TENM3: variants seen among roughly 807,000 people sequenced by gnomAD.
TENM3 encodes teneurin transmembrane protein 3.
A neutral mutation model predicts 255.1 loss-of-function variants in TENM3; 63 were observed. That is an observed-to-expected ratio of 0.25 (90% CI 0.20 to 0.30). The LOEUF (loss-of-function observed/expected upper bound fraction) is 0.30. Among genes scored for constraint, TENM3 ranks in the 10% least tolerant of loss-of-function variants. The probability of loss-of-function intolerance (pLI) is 1.00; values close to 1 mark genes in which losing one functional copy is unlikely to be tolerated. For synonymous variants in TENM3, 1,306 were observed against 1,322.3 expected (o/e 0.99, Z 0.27); for missense variants, 2,929 against 3,461.1 (o/e 0.85, Z 3.86).
the TENM3 span, among the ~76,000 whole-genome samples, chr4:181,536,057 A>AT: frequency 6.6e-6 from 1 of 152,278 alleles, no homozygotes; most frequent in Non-Finnish European, 1.5e-5. Flanking sequence ...GCACCTGTAT[A>AT]TTTTATGAAA....
intron 5 of TENM3, among the ~76,000 whole-genome samples, chr4:182,630,966 T>C (rs1248160692): frequency 6.6e-6 from 1 of 152,126 alleles, no homozygotes; most frequent in Non-Finnish European, 1.5e-5. Context: ...AAAATAGCAT[T>C]TTAATGTGAG....
chr4:182,492,397 T>C (rs1390497785), intron 3 of TENM3, among the ~76,000 whole-genome samples: 2 of 152,228 alleles, frequency 1.3e-5, no homozygotes, highest in African/African-American at 4.8e-5. Context: ...CCATAATTTA[T>C]AGATTGGCTT....
the TENM3 span, among the ~76,000 whole-genome samples, chr4:181,652,038 T>G: frequency 6.6e-6 from 1 of 151,814 alleles, no homozygotes; most frequent in Non-Finnish European, 1.5e-5. Flanking sequence ...TAACATCTAA[T>G]GTAAAATCAT....
intron 3 of TENM3, among the ~76,000 whole-genome samples, chr4:182,527,994 G>A (rs1003475846): frequency 1.1e-4 from 16 of 152,170 alleles, no homozygotes; most frequent in African/African-American, 3.4e-4. Flanking sequence ...CCAAAGTGCT[G>A]GGATTACAGG....
chr4:182,492,691 A>G (rs1179487431), intron 3 of TENM3, among the ~76,000 whole-genome samples: 2 of 152,156 alleles, frequency 1.3e-5, no homozygotes, highest in Non-Finnish European at 2.9e-5. Context: ...ATCTTCAGAG[A>G]GGTTACTGGA....
the TENM3 span, among the ~76,000 whole-genome samples, chr4:182,034,765 T>C: frequency 1.3e-5 from 2 of 152,240 alleles, no homozygotes; most frequent in African/African-American, 4.8e-5. Context: ...GTTAGTCTAA[T>C]GGGCTTTCCT....
intron 1 of TENM3, among the ~76,000 whole-genome samples, chr4:182,175,189 G>A (rs922881851): frequency 6.6e-6 from 1 of 151,400 alleles, no homozygotes; most frequent in African/African-American, 2.4e-5. Context: ...TTTTTAAAGA[G>A]ATTTTTATTG....
chr4:182,352,539 C>G (rs1205181178), intron 3 of TENM3, among the ~76,000 whole-genome samples: 1 of 152,038 alleles, frequency 6.6e-6, no homozygotes, highest in African/African-American at 2.4e-5. Flanking sequence ...TACCTGTTGT[C>G]GGACCCCACT....
intron 3 of TENM3, among the ~76,000 whole-genome samples, chr4:182,435,222 A>G (rs1771957820): frequency 6.6e-6 from 1 of 152,104 alleles, no homozygotes; most frequent in East Asian, 1.9e-4. Context: ...AGTAGAGTCA[A>G]TTCTCCCTGC....
the TENM3 span, among the ~76,000 whole-genome samples, chr4:181,544,225 C>A: frequency 6.6e-6 from 1 of 151,712 alleles, no homozygotes; most frequent in Non-Finnish European, 1.5e-5. Context: ...GATATCTATT[C>A]TATAATAATA....
the TENM3 span, among the ~76,000 whole-genome samples, chr4:181,594,506 T>G: frequency 1.3e-5 from 2 of 151,812 alleles, no homozygotes; most frequent in African/African-American, 4.8e-5. Flanking sequence ...CTTACTACTA[T>G]CCATTGGTCA....
At chr4:182,675,809 A>G (rs1755620937) in intron 7 of TENM3, among the ~76,000 whole-genome samples, 1 of 152,216 alleles carries the variant, frequency 6.6e-6, no homozygotes, top group Non-Finnish European at 1.5e-5. Flanking sequence ...TTATTTAAAG[A>G]TTTAGTTGAC....
chr4:181,664,641 C>A, the TENM3 span, among the ~76,000 whole-genome samples: 12 of 152,274 alleles, frequency 7.9e-5, no homozygotes, highest in East Asian at 2.1e-3. Flanking sequence ...GCTCAACTTT[C>A]ACTCCTGGCC....
the TENM3 span, among the ~76,000 whole-genome samples, chr4:181,811,606 G>A: frequency 6.6e-6 from 1 of 152,194 alleles, no homozygotes. Context: ...TGGCTGGGGA[G>A]GCCTCACAAT....
At chr4:182,375,279 G>T (rs1767099049) in intron 3 of TENM3, among the ~76,000 whole-genome samples, 1 of 151,668 alleles carries the variant, frequency 6.6e-6, no homozygotes, top group African/African-American at 2.4e-5. Flanking sequence ...GGGGAATTAG[G>T]CTTCTAAGTC....
At chr4:182,513,807 C>A (rs1195469334) in intron 3 of TENM3, among the ~76,000 whole-genome samples, 1 of 152,148 alleles carries the variant, frequency 6.6e-6, no homozygotes, top group Non-Finnish European at 1.5e-5. Flanking sequence ...ATGAATCAAC[C>A]CAGAGCGCAC....
chr4:182,294,362 T>C (rs1761331508), intron 1 of TENM3, among the ~76,000 whole-genome samples: 1 of 152,134 alleles, frequency 6.6e-6, no homozygotes. Flanking sequence ...GCAGCAACTG[T>C]GGCTGCCCTG....
At chr4:182,079,765 CGT>C in the TENM3 span, 6 of 152,362 alleles carry the variant, frequency 3.9e-5, no homozygotes, top group African/African-American at 1.4e-4. Flanking sequence ...CTGGCCAGCA[CGT>C]GCTGCCCAGG....
intron 16 of TENM3, among the ~76,000 whole-genome samples, chr4:182,733,445 AAGG>A (rs1292261605): frequency 6.7e-6 from 1 of 148,440 alleles, no homozygotes; most frequent in African/African-American, 2.5e-5. Flanking sequence ...GGGTGGAAAC[AAGG>A]AGGCCAGTTA....
Sources: allele counts gnomAD v4.1 joint callset (sites outside exome capture counted in the v4.1 genomes callset), GRCh38; gene constraint gnomAD v4.1.1; transcripts MANE v1.5; gene names NCBI Gene and HGNC (gene_info 2026-07-23, HGNC 2026-07-21).